The following NUP210L variants were observed in gnomAD, a reference collection of about 807,000 sequenced individuals.
NUP210L encodes nuclear pore membrane glycoprotein 210-like.
In NUP210L, 74 loss-of-function variants were observed where a neutral mutation model predicts 208.5. That is an observed-to-expected ratio of 0.35 (90% confidence interval 0.29 to 0.43). The LOEUF is 0.43. Ranked by LOEUF, NUP210L falls within the 20% of genes least tolerant of loss-of-function variation. The pLI, the probability that NUP210L is intolerant of heterozygous loss-of-function variation, is 1.00. For synonymous variants in NUP210L, 780 were observed against 816.9 expected, an observed-to-expected ratio of 0.95 and a Z score of 0.77; for missense variants, 1,843 against 2,289.4, an observed-to-expected ratio of 0.81 and a Z score of 3.98.
At chr1:154,101,602 A>T (rs1557977184) in intron 13 of NUP210L, among the ~76,000 whole-genome samples, 1 of 151,990 alleles carries the variant, frequency 6.6e-6, no homozygotes, top group African/African-American at 2.4e-5. Context: ...GTACAGTGGG[A>T]ATATATATAT....
chr1:154,089,341 C>T, intron 16 of NUP210L, 80 bp downstream of exon 16: 1 of 1,210,476 alleles, frequency 8.3e-7, no homozygotes, highest in Non-Finnish European at 1.2e-6. Flanking sequence ...TGGATATATA[C>T]CCCAAAGAAT....
chr1:154,035,720 T>C (rs1652497583), intron 27 of NUP210L, among the ~76,000 whole-genome samples: 1 of 151,542 alleles, frequency 6.6e-6, no homozygotes, highest in Admixed American at 6.6e-5. Flanking sequence ...CTCTTTGGTA[T>C]CAACTTTTTT....
At chr1:154,139,994 G>A (rs1179621179) in intron 4 of NUP210L, 42 bp from the exon 5 acceptor site, 14 of 1,503,806 alleles carry the variant, frequency 9.3e-6, no homozygotes, top group African/African-American at 4.2e-5. Context: ...AGAATTAAAC[G>A]AAGGGTTCTT....
At chr1:154,056,679 C>G (rs1483913584) in intron 23 of NUP210L, 136 bp downstream of exon 23, 1 of 824,948 alleles carries the variant, frequency 1.2e-6, no homozygotes, top group Non-Finnish European at 1.8e-6. Flanking sequence ...CCTCAGCCTC[C>G]CAAAGTGCTC....
At chr1:154,057,419 C>A (rs1376489859) in intron 22 of NUP210L, among the ~76,000 whole-genome samples, 2 of 151,966 alleles carry the variant, frequency 1.3e-5, no homozygotes, top group Non-Finnish European at 2.9e-5. Context: ...GTGGAAGGCT[C>A]CTGAGAGGCA....
chr1:154,073,551 A>G (rs1023472832), intron 16 of NUP210L, among the ~76,000 whole-genome samples: 1 of 152,052 alleles, frequency 6.6e-6, no homozygotes. Context: ...ATCGTGGTTT[A>G]TATCTGTAAT....
At chr1:154,056,515 A>G (rs1260602614) in intron 23 of NUP210L, among the ~76,000 whole-genome samples, 1 of 152,156 alleles carries the variant, frequency 6.6e-6, no homozygotes, top group Non-Finnish European at 1.5e-5. Context: ...CCAGGGCTCA[A>G]GTGATCCTCC....
chr1:154,082,311 T>C (rs991291944), intron 16 of NUP210L, among the ~76,000 whole-genome samples: 2 of 152,196 alleles, frequency 1.3e-5, no homozygotes, highest in African/African-American at 4.8e-5. Context: ...GTCAGCTAAC[T>C]GCATATTGGT....
intron 17 of NUP210L, among the ~76,000 whole-genome samples, chr1:154,069,011 G>A (rs1571234089): frequency 6.6e-6 from 1 of 152,090 alleles, no homozygotes; most frequent in African/African-American, 2.4e-5. Flanking sequence ...AGCTGAAACT[G>A]AATCCCTTCC....
intron 17 of NUP210L, among the ~76,000 whole-genome samples, chr1:154,064,083 G>A (rs938858226): frequency 6.6e-6 from 1 of 151,362 alleles, no homozygotes. Flanking sequence ...AATAGAGGTG[G>A]TGGGGGGTCT....
chr1:154,118,954 C>A lies in NUP210L; in HGVS notation c.1327-146G>T, dbSNP rs886599470. ...CTATAAAAGAAATAAATAAATATTT[C>A]TCTTCATTAAATAAGCATAGTTGCT... On this transcript the variant is annotated intron_variant, in intron 10 of 39. Transcript: ENST00000368559. 4.3e-5 allele frequency: 19 copies of A among 436,820 alleles called. 1 individual carries two copies. Among genetic ancestry groups the A allele is most frequent in the Admixed American group, 1.1e-4 (3 of 27,480 alleles). The allele number at this position is 436,820 out of a possible 1,614,324, so 27.1% of individuals were successfully genotyped here. A position where few individuals can be genotyped will look rare whatever the true frequency, so the allele number is the denominator to read the frequency against.
chr1:154,001,079 C>A lies in NUP210L; in HGVS notation c.5182-19G>T. ...AGATGACCTTGGAGAAAAGATAAAA[C>A]CTTTTATTTAAAAGAAGAAAAATCA... On this transcript the variant is annotated intron_variant, in intron 36 of 39. Transcript: ENST00000368559. 1 of 1,602,674 alleles carries A rather than the reference C, an allele frequency of 6.2e-7. No individual in the cohort carries two copies. The highest frequency in any genetic ancestry group is 8.5e-7 in the Non-Finnish European group (1 of 1,172,690).
chr1:154,109,673 C>CA (rs1189132628), intron 12 of NUP210L, among the ~76,000 whole-genome samples: 3 of 151,200 alleles, frequency 2.0e-5, no homozygotes, highest in East Asian at 3.9e-4. Flanking sequence ...TTCAAAAATT[C>CA]AAAAAAATTG....
At chr1:154,142,652 A>G (rs1658912541) in intron 3 of NUP210L, among the ~76,000 whole-genome samples, 1 of 152,108 alleles carries the variant, frequency 6.6e-6, no homozygotes, top group South Asian at 2.1e-4. Context: ...ACACTTTGGG[A>G]GGCCGAGGAA....
intron 2 of NUP210L, among the ~76,000 whole-genome samples, chr1:154,146,689 A>G (rs1659132703): frequency 6.7e-6 from 1 of 150,014 alleles, no homozygotes; most frequent in South Asian, 2.1e-4. Flanking sequence ...CAGTGGGTAA[A>G]GCTTCAAGGA....
chr1:154,061,140 G>A, intron 18 of NUP210L, 94 bp from the exon 19 acceptor site: 1 of 798,354 alleles, frequency 1.3e-6, no homozygotes, highest in Non-Finnish European at 2.1e-6. Context: ...CACTTTGGGA[G>A]GGTAAGGCAG....
intron 16 of NUP210L, among the ~76,000 whole-genome samples, chr1:154,072,239 G>C (rs7514662): frequency 0.27 from 41,403 of 151,104 alleles, 5,942 homozygotes; most frequent in Admixed American, 0.37. Context: ...TTTACATTTT[G>C]ACCAGCAGCA....
intron 12 of NUP210L, among the ~76,000 whole-genome samples, chr1:154,114,045 AG>A (rs1657189297): frequency 6.6e-6 from 1 of 151,526 alleles, no homozygotes; most frequent in South Asian, 2.1e-4. Flanking sequence ...CGGGAGGCTG[AG>A]GCAGGAGAAT....
At chr1:154,014,724 C>T (rs986388143) in intron 33 of NUP210L, among the ~76,000 whole-genome samples, 1 of 152,148 alleles carries the variant, frequency 6.6e-6, no homozygotes, top group Non-Finnish European at 1.5e-5. Flanking sequence ...AAAGTTGGGG[C>T]CGGGTGCAGT....
Sources: gnomAD v4.1 joint callset for allele counts (sites outside exome capture counted in the v4.1 genomes callset) on GRCh38, gnomAD v4.1.1 for gene constraint, MANE v1.5 for transcripts, NCBI Gene and HGNC (gene_info 2026-07-23, HGNC 2026-07-21) for gene names.